RAP1A: variants seen among roughly 807,000 people sequenced by gnomAD.
RAP1A encodes the protein ras-related protein Rap-1A.
Under a neutral mutation model 26.4 loss-of-function variants are expected in RAP1A, and 6 were observed. The ratio of observed to expected loss-of-function variants is 0.23; its 90% CI spans 0.12 to 0.45. RAP1A has a LOEUF of 0.45. Among genes scored for constraint, RAP1A ranks in the 20% least tolerant of loss-of-function variants. The probability of loss-of-function intolerance (pLI) is 0.99; values close to 1 mark genes in which losing one functional copy is unlikely to be tolerated. For synonymous variants in RAP1A, 73 were observed against 79.4 expected (o/e 0.92, Z 0.43); for missense variants, 121 against 217.2 (o/e 0.56, Z 2.78).
intron 1 of RAP1A, among the ~76,000 whole-genome samples, chr1:111,634,712 T>C (rs1659674744): frequency 6.6e-6 from 1 of 151,718 alleles, no homozygotes; most frequent in South Asian, 2.1e-4. Flanking sequence ...TGGTGTGATC[T>C]CGGCTCACTG....
intron 1 of RAP1A, among the ~76,000 whole-genome samples, chr1:111,622,795 T>C (rs1659262076): frequency 6.6e-6 from 1 of 152,212 alleles, no homozygotes; most frequent in Non-Finnish European, 1.5e-5. Flanking sequence ...AGGATGCTAA[T>C]TGTTGGATAC....
rs1481062228 is a variant in RAP1A at position 111,559,317 on chromosome 1, A to G, written c.-28+16808A>G. On this transcript the variant is annotated intron_variant, in intron 1 of 7. Transcript: ENST00000356415. Reference sequence around the variant, plus strand: ...CAGATTCAAAGAATTGGAAGGAAGGAATTTATTCATGCATTAAACTAATGT... The same window carrying G: ...CAGATTCAAAGAATTGGAAGGAAGGGATTTATTCATGCATTAAACTAATGT... 2.0e-5 allele frequency among the ~76,000 whole-genome samples: 3 copies of G among 152,276 alleles called. No individual in the cohort carries two copies. In the East Asian group the frequency reaches 5.8e-4, roughly 29 times the overall value.
At chr1:111,555,943 G>A (rs2789531) in intron 1 of RAP1A, among the ~76,000 whole-genome samples, 1 of 152,136 alleles carries the variant, frequency 6.6e-6, no homozygotes, top group African/African-American at 2.4e-5. Context: ...AAACATTTGT[G>A]CATCAAAGGA....
chr1:111,549,926 T>C (rs1245662878), intron 1 of RAP1A, among the ~76,000 whole-genome samples: 1 of 152,206 alleles, frequency 6.6e-6, no homozygotes, highest in Non-Finnish European at 1.5e-5. Flanking sequence ...GTGCTGGAAT[T>C]ACAGGCATGA....
chr1:111,685,829 GT>G lies in RAP1A; in HGVS notation c.-27-5502del, dbSNP rs570069833. On this transcript the variant is annotated intron_variant, in intron 1 of 7. Transcript: ENST00000369709. Reference sequence around the variant, plus strand: ...ACTATAAAGACACATGCACACATATGTTTATTGCAGCATTATTCACAATAGC... The same window carrying G: ...ACTATAAAGACACATGCACACATATGTTATTGCAGCATTATTCACAATAGC... Among the ~76,000 whole-genome samples the G allele has an allele frequency of 9.8e-5, 15 of 152,302 alleles. 1 individual carries two copies. The East Asian group carries it at 2.9e-3, about 29-fold the overall frequency.
chr1:111,635,483 A>G (rs534019749), intron 1 of RAP1A, among the ~76,000 whole-genome samples: 1 of 152,354 alleles, frequency 6.6e-6, no homozygotes, highest in South Asian at 2.1e-4. Context: ...TTAAATAAGC[A>G]TGCCTGAGGT....
At chr1:111,640,772 C>G (rs1659866043) in intron 1 of RAP1A, among the ~76,000 whole-genome samples, 1 of 152,136 alleles carries the variant, frequency 6.6e-6, no homozygotes, top group Non-Finnish European at 1.5e-5. Flanking sequence ...CCAGCCTGAG[C>G]AACATAGTGA....
intron 1 of RAP1A, among the ~76,000 whole-genome samples, chr1:111,621,418 A>G (rs987908260): frequency 1.3e-5 from 2 of 152,156 alleles, no homozygotes; most frequent in African/African-American, 2.4e-5. Flanking sequence ...GAAATCATAT[A>G]GTTCGATATT....
At position 111,689,256 on chromosome 1, in the gene RAP1A, C is replaced by CT. The variant is rs894744794; in HGVS notation, c.-27-2068dup. 2.8e-4 allele frequency among the ~76,000 whole-genome samples: 42 copies of CT among 149,432 alleles called. 1 individual carries two copies. The highest frequency in any genetic ancestry group is 8.0e-4 in the Admixed American group (12 of 14,958). On this transcript the variant is annotated intron_variant, in intron 1 of 7. Coordinates refer to ENST00000369709, the MANE Select transcript of RAP1A (RefSeq NM_002884.4). ...CTTGGTATTGTCCTGTAGTTCTAGT[C>CT]TTTTTTTTTTCTTTTTCTTTTCTTT...
chr1:111,638,115 G>A (rs995506942), intron 1 of RAP1A, among the ~76,000 whole-genome samples: 3 of 151,576 alleles, frequency 2.0e-5, no homozygotes, highest in Non-Finnish European at 4.4e-5. Flanking sequence ...AGCTGTTTCT[G>A]TCTCTTAAAA....
intron 1 of RAP1A, among the ~76,000 whole-genome samples, chr1:111,651,270 C>G (rs544345904): frequency 2.0e-5 from 3 of 151,982 alleles, no homozygotes; most frequent in Non-Finnish European, 2.9e-5. Context: ...TTTAGAAATA[C>G]TTGATTCAGA....
intron 1 of RAP1A, among the ~76,000 whole-genome samples, chr1:111,592,689 A>G (rs1283888840): frequency 6.6e-6 from 1 of 152,274 alleles, no homozygotes; most frequent in Middle Eastern, 3.4e-3. Flanking sequence ...CTCTCAATGA[A>G]GTTTTAATCA....
intron 1 of RAP1A, among the ~76,000 whole-genome samples, chr1:111,610,021 G>A (rs1375088199): frequency 3.9e-5 from 6 of 152,066 alleles, no homozygotes; most frequent in Admixed American, 2.6e-4. Context: ...CATCATTCAC[G>A]TACTGCTCTG....
intron 1 of RAP1A, among the ~76,000 whole-genome samples, chr1:111,559,646 T>A (rs1405871461): frequency 6.6e-6 from 1 of 152,212 alleles, no homozygotes; most frequent in Non-Finnish European, 1.5e-5. Context: ...GTATAAGCAT[T>A]ATGCAAATAT....
intron 1 of RAP1A, among the ~76,000 whole-genome samples, chr1:111,671,579 A>T (rs1283035168): frequency 1.3e-5 from 2 of 152,062 alleles, no homozygotes; most frequent in African/African-American, 4.8e-5. Context: ...GGTTCAAGCG[A>T]TTCTTGTGCC....
intron 1 of RAP1A, among the ~76,000 whole-genome samples, chr1:111,557,912 T>C (rs1347447369): frequency 6.6e-6 from 1 of 152,176 alleles, no homozygotes; most frequent in African/African-American, 2.4e-5. Flanking sequence ...ATGTATCAAA[T>C]AGCTTTAGCC....
chr1:111,607,844 G>C lies in RAP1A; in HGVS notation c.-28+65335G>C, dbSNP rs1384741694. Among the ~76,000 whole-genome samples, 2 of 123,136 alleles carry C rather than the reference G, an allele frequency of 1.6e-5. 1 individual carries two copies. The highest frequency in any genetic ancestry group is 6.4e-5 in the African/African-American group (2 of 31,214). 80.8% of individuals were successfully genotyped at this position (123,136 alleles called of 152,430 possible). On this transcript the variant is annotated intron_variant, in intron 1 of 7. Coordinates refer to the RAP1A transcript ENST00000356415. ...TGACCCCCCCACCTCCCTCCCGGAC[G>C]GGGCGGCTGGCCGGGCGGGGCCTGA...
intron 1 of RAP1A, among the ~76,000 whole-genome samples, chr1:111,542,909 C>G (rs915545035): frequency 5.3e-5 from 8 of 152,118 alleles, no homozygotes; most frequent in African/African-American, 1.9e-4. Flanking sequence ...GTTGGGCAGG[C>G]TGGTCTCCAA....
At chr1:111,634,546 A>C (rs1462717555) in intron 1 of RAP1A, among the ~76,000 whole-genome samples, 1 of 150,186 alleles carries the variant, frequency 6.7e-6, no homozygotes, top group Non-Finnish European at 1.5e-5. Flanking sequence ...TATATGTATT[A>C]TTATATGTCA....
Sources: allele counts gnomAD v4.1 joint callset (sites outside exome capture counted in the v4.1 genomes callset), GRCh38; gene constraint gnomAD v4.1.1; transcripts MANE v1.5; gene names NCBI Gene and HGNC (gene_info 2026-07-23, HGNC 2026-07-21).